Variants in SNTG2 observed in about 807,000 individuals in gnomAD.
The protein encoded by SNTG2 is syntrophin gamma 2.
In SNTG2, 74 loss-of-function variants were observed where a neutral mutation model predicts 70.9. The observed-to-expected ratio is 1.04, with a 90% CI of 0.86 to 1.27. The LOEUF (loss-of-function observed/expected upper bound fraction) is 1.27. SNTG2 is among the 50% of genes most tolerant of loss of function. SNTG2 has a pLI of 0.00. For missense variants in SNTG2, 717 were observed against 690.7 expected, an observed-to-expected ratio of 1.04 and a Z score of -0.43; for synonymous variants, 278 against 273.8, an observed-to-expected ratio of 1.02 and a Z score of -0.15.
chr2:1,259,912 G>C (rs1276330444), intron 13 of SNTG2, among the ~76,000 whole-genome samples: 1 of 152,194 alleles, frequency 6.6e-6, no homozygotes, highest in Non-Finnish European at 1.5e-5. Context: ...GGGGCTGCCC[G>C]GAGCCTGGAG....
chr2:1,235,360 G>T (rs60348353), intron 9 of SNTG2, among the ~76,000 whole-genome samples: 1 of 82,940 alleles, frequency 1.2e-5, no homozygotes, highest in African/African-American at 4.6e-5. Context: ...AGGCACCCCC[G>T]ATTCATGAGA....
At chr2:1,167,864 A>C (rs1337189356) in intron 7 of SNTG2, among the ~76,000 whole-genome samples, 1 of 130,300 alleles carries the variant, frequency 7.7e-6, no homozygotes, top group African/African-American at 3.2e-5. Flanking sequence ...CAGGCCGCCC[A>C]CAGACGGCAG....
chr2:1,136,924 A>AG (rs1194455977), intron 4 of SNTG2, among the ~76,000 whole-genome samples: 2 of 152,182 alleles, frequency 1.3e-5, no homozygotes, highest in African/African-American at 4.8e-5. Context: ...TATGAGAATG[A>AG]GGGGAAATGC....
At chr2:1,225,901 G>A (rs1403421372) in intron 9 of SNTG2, among the ~76,000 whole-genome samples, 1 of 152,118 alleles carries the variant, frequency 6.6e-6, no homozygotes, top group Non-Finnish European at 1.5e-5. Context: ...CACAATCTGA[G>A]GGCACACGGA....
At chr2:1,271,216 C>G (rs567586173) in intron 14 of SNTG2, among the ~76,000 whole-genome samples, 19 of 152,320 alleles carry the variant, frequency 1.2e-4, no homozygotes, top group African/African-American at 4.3e-4. Context: ...TCCAGCCTCT[C>G]CATCCCTGCC....
At chr2:1,005,457 C>CT (rs1431386444) in intron 1 of SNTG2, among the ~76,000 whole-genome samples, 1 of 151,928 alleles carries the variant, frequency 6.6e-6, no homozygotes, top group East Asian at 1.9e-4. Flanking sequence ...TCCTCGTCCT[C>CT]TCAGTTTCTC....
chr2:990,826 C>T (rs762697576), intron 1 of SNTG2, among the ~76,000 whole-genome samples: 1 of 151,052 alleles, frequency 6.6e-6, no homozygotes, highest in Non-Finnish European at 1.5e-5. Flanking sequence ...AAATGCCGTC[C>T]TAAGTCAGAG....
At chr2:1,244,171 C>G (rs546629513) in intron 11 of SNTG2, among the ~76,000 whole-genome samples, 2 of 152,348 alleles carry the variant, frequency 1.3e-5, no homozygotes, top group Admixed American at 1.3e-4. Flanking sequence ...AATTTCTCAT[C>G]AGAACTAGTA....
intron 16 of SNTG2, among the ~76,000 whole-genome samples, chr2:1,350,630 T>G (rs1660525985): frequency 6.6e-6 from 1 of 152,120 alleles, no homozygotes; most frequent in South Asian, 2.1e-4. Context: ...AGGCTGAGGT[T>G]TTGGCTCAGA....
intron 8 of SNTG2, among the ~76,000 whole-genome samples, chr2:1,182,463 A>G (rs6721422): frequency 1 from 151,736 of 151,980 alleles, 75,746 homozygotes; most frequent in Middle Eastern, 1. Flanking sequence ...AAAAATTACA[A>G]AAGGCGTAAT....
At chr2:1,199,292 C>T (rs1319037187) in intron 8 of SNTG2, among the ~76,000 whole-genome samples, 1 of 151,704 alleles carries the variant, frequency 6.6e-6, no homozygotes, top group African/African-American at 2.4e-5. Flanking sequence ...ATATGACCAT[C>T]TCAGTAGAAG....
At chr2:1,009,972 T>C (rs970072111) in intron 1 of SNTG2, among the ~76,000 whole-genome samples, 1 of 152,186 alleles carries the variant, frequency 6.6e-6, no homozygotes, top group Admixed American at 6.5e-5. Flanking sequence ...TCAAGTTAAG[T>C]CACCGTTTGG....
At position 1,170,857 on chromosome 2, in the gene SNTG2, G is replaced by C. The variant is rs1341443905; in HGVS notation, c.500-2235G>C. On this transcript the variant is annotated intron_variant, in intron 7 of 16. Coordinates refer to ENST00000308624, the MANE Select transcript of SNTG2 (RefSeq NM_018968.4). ...TGGGAGATGTTTTCCTTCCCACCGA[G>C]TGGATGCCGACTACTGGAATTGCTG... Among the ~76,000 whole-genome samples, 3 of 152,174 alleles carry C rather than the reference G, an allele frequency of 2.0e-5. No homozygotes were observed. In the East Asian group the frequency reaches 5.8e-4, roughly 30 times the overall value.
intron 11 of SNTG2, among the ~76,000 whole-genome samples, chr2:1,240,646 G>T (rs1035676161): frequency 6.6e-6 from 1 of 152,146 alleles, no homozygotes; most frequent in Non-Finnish European, 1.5e-5. Flanking sequence ...AAGAATATTT[G>T]AATTCACGAT....
At chr2:1,083,375 A>G in intron 1 of SNTG2, 143 bp from the exon 2 acceptor site, 3 of 625,068 alleles carry the variant, frequency 4.8e-6, no homozygotes, top group East Asian at 5.8e-5. Context: ...TCAAATCCTT[A>G]TCGGTTGAGC....
At chr2:1,338,416 A>C (rs1659923334) in intron 16 of SNTG2, among the ~76,000 whole-genome samples, 1 of 152,110 alleles carries the variant, frequency 6.6e-6, no homozygotes, top group Admixed American at 6.5e-5. Flanking sequence ...ATCCATGGTT[A>C]AGTTCATTCC....
chr2:1,149,672 G>GTT (rs1221169268), intron 6 of SNTG2, among the ~76,000 whole-genome samples: 27 of 146,494 alleles, frequency 1.8e-4, no homozygotes, highest in African/African-American at 6.4e-4. Context: ...GTTGATTAGC[G>GTT]TTTTTTTTTT....
In SNTG2 at chr2:1,098,119, G is replaced by T. The variant is rs569998603; in HGVS notation, c.211-77G>T. 61 of 1,498,946 alleles carry T rather than the reference G, an allele frequency of 4.1e-5. No homozygotes were observed. The South Asian group carries it at 6.5e-4, about 16-fold the overall frequency. The allele number at this position is 1,498,946 out of a possible 1,614,324, so 92.9% of individuals were successfully genotyped here. ...ATTTAACACGTATTTGGGTTTAAAT[G>T]AAGAATTTCTTTTGAATTCACTTTC... On this transcript the variant is annotated intron_variant, in intron 2 of 16. Coordinates refer to ENST00000308624, the MANE Select transcript of SNTG2 (RefSeq NM_018968.4).
chr2:1,104,539 A>AC (rs1665991403), intron 4 of SNTG2, among the ~76,000 whole-genome samples: 2 of 152,308 alleles, frequency 1.3e-5, no homozygotes, highest in Non-Finnish European at 1.5e-5. Flanking sequence ...GCACATGTTT[A>AC]CCTAAGTTTT....
Sources: allele counts gnomAD v4.1 joint callset (sites outside exome capture counted in the v4.1 genomes callset), GRCh38; gene constraint gnomAD v4.1.1; transcripts MANE v1.5; gene names NCBI Gene and HGNC (gene_info 2026-07-23, HGNC 2026-07-21).